PCDH15: variants seen among roughly 807,000 people sequenced by gnomAD.
The protein encoded by PCDH15 is protocadherin-15.
A neutral mutation model predicts 178.5 loss-of-function variants in PCDH15; 129 were observed. That is an observed-to-expected ratio of 0.72 (90% CI 0.63 to 0.84). The LOEUF (loss-of-function observed/expected upper bound fraction) is 0.84. PCDH15 is among the 40% of genes least tolerant of loss of function. The probability of loss-of-function intolerance (pLI) is 0.00; values close to 1 mark genes in which losing one functional copy is unlikely to be tolerated. For missense variants in PCDH15, 2,230 were observed against 2,099.9 expected (o/e 1.06, Z -1.21); for synonymous variants, 800 against 732.0 (o/e 1.09, Z -1.50).
intron 29 of PCDH15, 104 bp downstream of exon 29, chr10:53,840,216 T>G: frequency 1.5e-6 from 2 of 1,340,814 alleles, no homozygotes; most frequent in East Asian, 4.6e-5. Flanking sequence ...TTTCAGTAAC[T>G]ATTTGGTGGG....
chr10:54,370,480 A>G (rs1947490016), intron 4 of PCDH15, among the ~76,000 whole-genome samples: 2 of 151,960 alleles, frequency 1.3e-5, no homozygotes. Flanking sequence ...TAGTCATGAT[A>G]GTATCCCTCT....
rs528753561 is a variant in PCDH15 at position 54,794,940 on chromosome 10, A to G, written c.-29+5985T>C. ...AATTGTTTAAGTTCAAATTTTTAAC[A>G]TAAAATTGAAAATCAAAATTTGAGT... On this transcript the variant is annotated intron_variant, in intron 1 of 37. Transcript: ENST00000644397. Among the ~76,000 whole-genome samples, 14 of 152,042 alleles carry G rather than the reference A, an allele frequency of 9.2e-5. No individual in the cohort carries two copies. In the South Asian group the frequency reaches 2.7e-3, roughly 29 times the overall value.
intron 15 of PCDH15, among the ~76,000 whole-genome samples, chr10:54,105,470 G>A (rs1253157826): frequency 2.6e-5 from 4 of 151,926 alleles, no homozygotes; most frequent in Non-Finnish European, 5.9e-5. Flanking sequence ...TTCAGTCTGA[G>A]TCCCAAAGCT....
At chr10:54,855,289 G>A (rs1953718172) in intron 3 of PCDH15, among the ~76,000 whole-genome samples, 1 of 152,168 alleles carries the variant, frequency 6.6e-6, no homozygotes, top group South Asian at 2.1e-4. Context: ...GTGGGTATCT[G>A]CAGCTGCATC....
At chr10:54,299,368 G>A (rs2060011817) in intron 8 of PCDH15, among the ~76,000 whole-genome samples, 1 of 152,066 alleles carries the variant, frequency 6.6e-6, no homozygotes, top group Non-Finnish European at 1.5e-5. Context: ...AAGTCAAAGA[G>A]AGAGAAAGAG....
chr10:54,575,990 C>A lies in PCDH15; in HGVS notation c.92-48113G>T, dbSNP rs567562268. The stretch of plus-strand genomic sequence containing the variant: ...CAGGAACTATATAGTCAATTCATCG[C>A]CCTGGCCAATGGCCAATTTGTAAGT... On this transcript the variant is annotated intron_variant, in intron 2 of 37. Transcript: ENST00000644397. Among the ~76,000 whole-genome samples the A allele has an allele frequency of 3.3e-5, 5 of 152,308 alleles. No individual in the cohort carries two copies. The South Asian group carries it at 1.0e-3, about 32-fold the overall frequency.
At chr10:54,496,121 G>GT (rs1046535919) in intron 3 of PCDH15, among the ~76,000 whole-genome samples, 1 of 152,126 alleles carries the variant, frequency 6.6e-6, no homozygotes, top group African/African-American at 2.4e-5. Context: ...ACCCAAAACG[G>GT]TGACTATAGT....
chr10:54,240,317 A>G (rs984615451), intron 8 of PCDH15, among the ~76,000 whole-genome samples: 1 of 152,062 alleles, frequency 6.6e-6, no homozygotes, highest in Non-Finnish European at 1.5e-5. Context: ...GTAAAAATAA[A>G]ATGAAAAAGG....
intron 2 of PCDH15, among the ~76,000 whole-genome samples, chr10:54,972,624 C>A (rs1481483779): frequency 6.6e-6 from 1 of 151,712 alleles, no homozygotes; most frequent in Non-Finnish European, 1.5e-5. Flanking sequence ...CCAAGGCAGG[C>A]ATATCACGAG....
intron 3 of PCDH15, among the ~76,000 whole-genome samples, chr10:54,838,213 C>T (rs961582532): frequency 6.6e-6 from 1 of 151,998 alleles, no homozygotes; most frequent in Admixed American, 6.6e-5. Context: ...ACTCTATGTC[C>T]CCACCCAAAT....
At chr10:54,463,080 G>A (rs1048223288) in intron 3 of PCDH15, among the ~76,000 whole-genome samples, 7 of 152,028 alleles carry the variant, frequency 4.6e-5, no homozygotes, top group African/African-American at 1.7e-4. Flanking sequence ...GTTCATATCA[G>A]TACTCAATGA....
chr10:53,943,241 C>T (rs1010580924), intron 23 of PCDH15, among the ~76,000 whole-genome samples: 4 of 151,996 alleles, frequency 2.6e-5, no homozygotes, highest in Admixed American at 2.6e-4. Context: ...GTAATCCCAG[C>T]ACTTTTGGAG....
chr10:54,970,208 C>A (rs941442171), intron 2 of PCDH15, among the ~76,000 whole-genome samples: 4 of 152,106 alleles, frequency 2.6e-5, no homozygotes, highest in African/African-American at 9.7e-5. Context: ...GGATGTTCAG[C>A]CTCCAGAATT....
At chr10:54,270,983 A>G (rs550901419) in intron 8 of PCDH15, among the ~76,000 whole-genome samples, 34 of 152,274 alleles carry the variant, frequency 2.2e-4, no homozygotes, top group African/African-American at 7.9e-4. Context: ...TATATGACCA[A>G]TATTACCAAC....
chr10:54,752,301 C>G (rs1165298279), intron 1 of PCDH15, among the ~76,000 whole-genome samples: 2 of 151,226 alleles, frequency 1.3e-5, no homozygotes, highest in Admixed American at 6.6e-5. Flanking sequence ...ATGGTGAAAC[C>G]CCGTCTCTAC....
intron 2 of PCDH15, among the ~76,000 whole-genome samples, chr10:55,550,487 A>G (rs1366586758): frequency 6.6e-6 from 1 of 152,176 alleles, no homozygotes; most frequent in Non-Finnish European, 1.5e-5. Flanking sequence ...CAGTAAGGCA[A>G]GCATGCCCTT....
At chr10:55,095,325 TA>T (rs1011921160) in intron 2 of PCDH15, among the ~76,000 whole-genome samples, 28 of 152,048 alleles carry the variant, frequency 1.8e-4, no homozygotes, top group Non-Finnish European at 1.6e-4. Flanking sequence ...TTAAATATAT[TA>T]AAAAATAAAA....
chr10:55,361,325 T>C (rs1845224175), intron 2 of PCDH15, among the ~76,000 whole-genome samples: 2 of 152,058 alleles, frequency 1.3e-5, no homozygotes, highest in Non-Finnish European at 2.9e-5. Context: ...TTGTTAATTA[T>C]CTTCTTTTTA....
chr10:54,947,736 T>G (rs1162164522), intron 2 of PCDH15, among the ~76,000 whole-genome samples: 1 of 151,982 alleles, frequency 6.6e-6, no homozygotes, highest in Non-Finnish European at 1.5e-5. Flanking sequence ...TTGAATGGCA[T>G]GAATTACTTA....
Sources: allele counts gnomAD v4.1 joint callset (sites outside exome capture counted in the v4.1 genomes callset), GRCh38; gene constraint gnomAD v4.1.1; transcripts MANE v1.5; gene names NCBI Gene and HGNC (gene_info 2026-07-23, HGNC 2026-07-21).